The following MINPP1 variants were observed in gnomAD, a reference collection of about 807,000 sequenced individuals.
The protein encoded by MINPP1 is multiple inositol polyphosphate phosphatase 1.
A neutral mutation model predicts 46.1 loss-of-function variants in MINPP1; 28 were observed. The observed-to-expected ratio is 0.61, with a 90% CI of 0.45 to 0.83. MINPP1 has a LOEUF of 0.83. Among genes scored for constraint, MINPP1 ranks in the 40% least tolerant of loss-of-function variants. The probability of loss-of-function intolerance (pLI) is 0.00; values close to 1 mark genes in which losing one functional copy is unlikely to be tolerated. For missense variants in MINPP1, 603 were observed against 610.0 expected, an observed-to-expected ratio of 0.99 and a Z score of 0.12; for synonymous variants, 268 against 249.1, an observed-to-expected ratio of 1.08 and a Z score of -0.72.
intron 4 of MINPP1, among the ~76,000 whole-genome samples, chr10:87,527,463 G>A (rs1422488071): frequency 6.6e-6 from 1 of 152,130 alleles, no homozygotes; most frequent in Non-Finnish European, 1.5e-5. Context: ...CTAGTTTATT[G>A]AGAGTTTTTA....
intron 3 of MINPP1, among the ~76,000 whole-genome samples, chr10:87,519,181 A>T (rs1464304867): frequency 6.6e-6 from 1 of 152,192 alleles, no homozygotes; most frequent in Non-Finnish European, 1.5e-5. Context: ...ACGAAAGCCA[A>T]TATATACATA....
chr10:87,533,283 T>C (rs2131828438), intron 4 of MINPP1, among the ~76,000 whole-genome samples: 1 of 152,282 alleles, frequency 6.6e-6, no homozygotes, highest in Middle Eastern at 3.4e-3. Flanking sequence ...GATTGCAAAT[T>C]GTTAAATTTT....
chr10:87,519,969 G>T (rs970529234), intron 3 of MINPP1, among the ~76,000 whole-genome samples: 4 of 151,806 alleles, frequency 2.6e-5, no homozygotes, highest in Admixed American at 6.6e-5. Context: ...TTCAGCAGAG[G>T]TTAATAACTG....
intron 3 of MINPP1, among the ~76,000 whole-genome samples, chr10:87,519,086 G>A (rs914890599): frequency 2.6e-5 from 4 of 151,934 alleles, no homozygotes; most frequent in African/African-American, 9.7e-5. Flanking sequence ...TGTTTCCTGA[G>A]GCCTGCCCTG....
At chr10:87,521,431 C>T (rs113735034) in intron 4 of MINPP1, among the ~76,000 whole-genome samples, 1 of 152,196 alleles carries the variant, frequency 6.6e-6, no homozygotes, top group Non-Finnish European at 1.5e-5. Context: ...TTTCCTGCCT[C>T]CTCTTGCCCT....
intron 4 of MINPP1, among the ~76,000 whole-genome samples, chr10:87,548,200 G>A (rs1020705927): frequency 3.9e-5 from 6 of 152,256 alleles, no homozygotes; most frequent in Non-Finnish European, 7.4e-5. Flanking sequence ...TCAGCAAAGC[G>A]CATTCAATTC....
At chr10:87,508,285 G>T in intron 1 of MINPP1, 51 bp from the exon 2 acceptor site, 2 of 1,599,420 alleles carry the variant, frequency 1.3e-6, no homozygotes, top group Non-Finnish European at 1.7e-6. Context: ...ATTTGAAACT[G>T]TCATTTATGT....
intron 2 of MINPP1, among the ~76,000 whole-genome samples, chr10:87,510,786 A>G (rs1851323678): frequency 6.6e-6 from 1 of 152,188 alleles, no homozygotes. Flanking sequence ...AAATAAATAG[A>G]TTTCTAAAAA....
Position 87,520,057 on chromosome 10 carries a change from AGT to A in MINPP1, c.934-958_934-957del, listed in dbSNP as rs141533495. 1.4e-3 allele frequency among the ~76,000 whole-genome samples: 205 copies of A among 147,438 alleles called. No individual in the cohort carries two copies. The East Asian group carries it at 0.026, about 19-fold the overall frequency. On this transcript the variant is annotated intron_variant, in intron 3 of 4. Transcript: ENST00000371996. Reference sequence around the variant, plus strand: ...TCATTCTTAGAAATATAAAAGGTATAGTGTGTGTGTGTGTGTGTGTGTTGGTA... The same window carrying A: ...TCATTCTTAGAAATATAAAAGGTATAGTGTGTGTGTGTGTGTGTGTTGGTA...
rs761118032 is a variant in MINPP1, at chr10:87,508,335, G to C, written c.638-1G>C. On this transcript the variant is annotated splice_acceptor_variant, in intron 1 of 4. Transcript: ENST00000371996. LOFTEE classifies it high-confidence loss of function. The stretch of plus-strand genomic sequence containing the variant: ...TACATATAAATTTTTTTCTCTTTCA[G>C]ATATGGAGTTTGGACCTCCAACAGT... 2.5e-6 allele frequency: 4 copies of C among 1,612,822 alleles called. No individual in the cohort carries two copies. The highest frequency in any genetic ancestry group is 2.2e-5 in the South Asian group (2 of 90,762).
intron 4 of MINPP1, among the ~76,000 whole-genome samples, chr10:87,545,361 T>C (rs1216543476): frequency 1.3e-5 from 2 of 152,138 alleles, no homozygotes; most frequent in Non-Finnish European, 2.9e-5. Flanking sequence ...CTGTATCTAG[T>C]AAAGATTTGT....
At chr10:87,518,069 G>T (rs1405682173) in intron 3 of MINPP1, among the ~76,000 whole-genome samples, 40 of 140,554 alleles carry the variant, frequency 2.8e-4, no homozygotes, top group African/African-American at 9.9e-4. Context: ...AAGCCATTCT[G>T]CTGCCTCAGC....
intron 4 of MINPP1, among the ~76,000 whole-genome samples, chr10:87,538,248 A>G (rs999665593): frequency 1.3e-5 from 2 of 151,044 alleles, no homozygotes; most frequent in Non-Finnish European, 2.9e-5. Flanking sequence ...CTTCTCAGGT[A>G]CTCCTGCTGT....
Position 87,513,284 on chromosome 10 carries a change from G to A in MINPP1, c.933+63G>A, listed in dbSNP as rs551593634. 1.2e-4 allele frequency: 145 copies of A among 1,205,184 alleles called. No individual in the cohort carries two copies. The African/African-American group carries it at 1.6e-3, about 14-fold the overall frequency. 74.7% of individuals were successfully genotyped at this position (1,205,184 alleles called of 1,614,324 possible). A position where few individuals can be genotyped will look rare whatever the true frequency, so the allele number is the denominator to read the frequency against. ...AAAATTTTTTTTGGCTTGCTTGTTT[G>A]CATTTGGTTACTTGAAGCAGCTTTT... On this transcript the variant is annotated intron_variant, in intron 3 of 4. Transcript: ENST00000371996.
At chr10:87,545,070 T>G (rs1183572960) in intron 4 of MINPP1, among the ~76,000 whole-genome samples, 1 of 152,160 alleles carries the variant, frequency 6.6e-6, no homozygotes, top group Non-Finnish European at 1.5e-5. Context: ...AAGAATAAAG[T>G]CAGATTTTAA....
intron 3 of MINPP1, among the ~76,000 whole-genome samples, chr10:87,517,152 C>G (rs1287085390): frequency 1.3e-5 from 2 of 152,024 alleles, no homozygotes; most frequent in East Asian, 3.9e-4. Context: ...ATCCATACAA[C>G]AAACTCCCAC....
intron 3 of MINPP1, among the ~76,000 whole-genome samples, chr10:87,515,995 A>G (rs1851409502): frequency 2.0e-5 from 3 of 149,254 alleles, no homozygotes; most frequent in Admixed American, 1.3e-4. Context: ...TGCCCGGCTA[A>G]TGTTTGTATT....
Position 87,537,519 on chromosome 10 carries a change from G to C in MINPP1, c.1068-14563G>C, listed in dbSNP as rs765311355. 5.1e-3 allele frequency among the ~76,000 whole-genome samples: 760 copies of C among 148,752 alleles called. 8 individuals carry two copies. The highest frequency in any genetic ancestry group is 0.027 in the South Asian group (124 of 4,658). On this transcript the variant is annotated intron_variant, in intron 4 of 4. Coordinates refer to ENST00000371996, the MANE Select transcript of MINPP1 (RefSeq NM_004897.5). ...GTTATCTTTATTACTGTTTGTGTGT[G>C]TGTGTGTGTGTGTGTGTGTGTGTGT...
At chr10:87,550,411 A>G (rs2131846299) in intron 4 of MINPP1, among the ~76,000 whole-genome samples, 1 of 152,244 alleles carries the variant, frequency 6.6e-6, no homozygotes, top group Admixed American at 6.5e-5. Flanking sequence ...ATGGCTTTTA[A>G]GTTTTACACC....
Sources: gnomAD v4.1 joint callset for allele counts (sites outside exome capture counted in the v4.1 genomes callset) on GRCh38, gnomAD v4.1.1 for gene constraint, MANE v1.5 for transcripts, NCBI Gene and HGNC (gene_info 2026-07-23, HGNC 2026-07-21) for gene names.